The following VPS50 variants were observed in gnomAD, a reference collection of about 807,000 sequenced individuals.
VPS50 encodes VPS50 subunit of EARP/GARPII complex.
VPS50 carries 70 observed loss-of-function variants against 139.7 expected under a neutral mutation model. The ratio of observed to expected loss-of-function variants is 0.50; its 90% confidence interval spans 0.41 to 0.61. The LOEUF is 0.61. Ranked by LOEUF, VPS50 falls within the 20% of genes least tolerant of loss-of-function variation. The probability of loss-of-function intolerance (pLI) is 0.00; values close to 1 mark genes in which losing one functional copy is unlikely to be tolerated. For synonymous variants in VPS50, 365 were observed against 376.7 expected, an observed-to-expected ratio of 0.97 and a Z score of 0.36; for missense variants, 921 against 1,133.7, an observed-to-expected ratio of 0.81 and a Z score of 2.69.
Position 93,263,630 on chromosome 7 carries a change from G to A in VPS50, c.659+3998G>A, listed in dbSNP as rs563778231. On this transcript the variant is annotated intron_variant, in intron 9 of 27. Coordinates refer to ENST00000305866, the MANE Select transcript of VPS50 (RefSeq NM_017667.4). ...GAGAGTTACTTGGAATAGCTGAGAT[G>A]GAAAAACTTAGGACTGACTCTTATG... 3.9e-5 allele frequency among the ~76,000 whole-genome samples: 6 copies of A among 152,204 alleles called. No homozygotes were observed. In the East Asian group the frequency reaches 1.2e-3, roughly 29 times the overall value.
intron 12 of VPS50, among the ~76,000 whole-genome samples, chr7:93,280,178 T>C (rs1796281217): frequency 6.6e-6 from 1 of 152,166 alleles, no homozygotes; most frequent in Admixed American, 6.5e-5. Context: ...TTTGAAATCA[T>C]TTTGCAGTTG....
chr7:93,243,221 A>G (rs73218075), intron 2 of VPS50, among the ~76,000 whole-genome samples: 6,337 of 152,044 alleles, frequency 0.042, 172 homozygotes, highest in African/African-American at 0.064. Flanking sequence ...TTGCTAGAGG[A>G]AAGGAAACTT....
intron 20 of VPS50, 49 bp downstream of exon 20, chr7:93,311,321 T>A: frequency 1.2e-6 from 1 of 833,434 alleles, no homozygotes; most frequent in Admixed American, 1.8e-5. Flanking sequence ...AATTAGTTTG[T>A]TACCGAATGA....
chr7:93,264,357 C>CATTTAATGTTTAGCAT (rs2116859760), intron 9 of VPS50, among the ~76,000 whole-genome samples: 1 of 152,302 alleles, frequency 6.6e-6, no homozygotes, highest in South Asian at 2.1e-4. Flanking sequence ...TGTGTTTATG[C>CATTTAATGTTTAGCAT]TAAAGTGCAT....
At chr7:93,334,079 A>G (rs760078161) in intron 21 of VPS50, 38 bp from the exon 22 acceptor site, 1 of 1,098,336 alleles carries the variant, frequency 9.1e-7, no homozygotes, top group Admixed American at 1.9e-5. Context: ...TTGCAAGATG[A>G]TCTTTAGAAC....
intron 22 of VPS50, among the ~76,000 whole-genome samples, chr7:93,338,476 C>G (rs1798125728): frequency 6.6e-6 from 1 of 152,080 alleles, no homozygotes; most frequent in African/African-American, 2.4e-5. Context: ...GGAGAGTGAG[C>G]CACCCTTATT....
intron 16 of VPS50, among the ~76,000 whole-genome samples, chr7:93,299,617 G>A (rs901547350): frequency 2.6e-5 from 4 of 152,072 alleles, no homozygotes; most frequent in African/African-American, 9.7e-5. Flanking sequence ...GGTAAAAATA[G>A]GAGCAGTTTT....
rs1325740132 is a variant in VPS50, at chr7:93,253,947, A to C, written c.297+16A>C. 1.8e-5 allele frequency: 27 copies of C among 1,483,424 alleles called. 1 individual carries two copies. Among genetic ancestry groups the C allele is most frequent in the South Asian group, 4.9e-5 (4 of 81,568 alleles). 91.9% of individuals were successfully genotyped at this position (1,483,424 alleles called of 1,614,324 possible). A position where few individuals can be genotyped will look rare whatever the true frequency, so the allele number is the denominator to read the frequency against. ...GCAAGCTGCAGTAAGTAAAAAAAAA[A>C]CACATTTCTTTCTGGCAAAACTCTA... On this transcript the variant is annotated intron_variant, in intron 4 of 27. Coordinates refer to ENST00000305866, the MANE Select transcript of VPS50 (RefSeq NM_017667.4).
At chr7:93,287,423 T>TC (rs1796523154) in intron 12 of VPS50, among the ~76,000 whole-genome samples, 2 of 135,976 alleles carry the variant, frequency 1.5e-5, no homozygotes, top group South Asian at 4.3e-4. Flanking sequence ...AAGGACCTCT[T>TC]TTTTTTTTTT....
intron 16 of VPS50, among the ~76,000 whole-genome samples, chr7:93,300,161 A>G (rs2116959969): frequency 6.6e-6 from 1 of 152,266 alleles, no homozygotes; most frequent in South Asian, 2.1e-4. Flanking sequence ...AATTTTGAAG[A>G]AATTATATGT....
intron 23 of VPS50, among the ~76,000 whole-genome samples, chr7:93,343,650 C>T (rs1031533873): frequency 1.3e-5 from 2 of 152,212 alleles, no homozygotes; most frequent in African/African-American, 4.8e-5. Context: ...AGAAACTCTA[C>T]AAGCCAGAAG....
intron 18 of VPS50, among the ~76,000 whole-genome samples, chr7:93,308,118 AGAT>A (rs59549693): frequency 0.16 from 23,379 of 150,176 alleles, 3,090 homozygotes; most frequent in African/African-American, 0.36. Flanking sequence ...TGACATTAAT[AGAT>A]GATGATGATG....
chr7:93,321,515 C>T (rs769373770), intron 20 of VPS50, among the ~76,000 whole-genome samples: 1 of 152,134 alleles, frequency 6.6e-6, no homozygotes, highest in Non-Finnish European at 1.5e-5. Context: ...TTTTAAGGTG[C>T]AACAGCCGGG....
chr7:93,349,880 C>G lies in VPS50; in HGVS notation c.2310C>G (p.Val770=). 6.2e-7 allele frequency: 1 copy of G among 1,609,432 alleles called. No homozygotes were observed. The highest frequency in any genetic ancestry group is 8.5e-7 in the Non-Finnish European group (1 of 1,178,308). The change falls in exon 25 of 28, where the codon GTC becomes GTG. Residue 770 remains valine, a synonymous_variant. Coordinates refer to ENST00000305866, the MANE Select transcript of VPS50 (RefSeq NM_017667.4). ...PFLQQFYSQT[V]STASELRKPI... ...TTTTGTGAAATTTATTTCAGACAGT[C>G]TCAACCGCCAGTGAACTACGGAAAC...
Position 93,352,927 on chromosome 7 carries a change from G to A in VPS50, c.2464-713G>A, listed in dbSNP as rs567813968. Among the ~76,000 whole-genome samples, 539 of 152,118 alleles carry A rather than the reference G, an allele frequency of 3.5e-3. 6 individuals are homozygous for A. The highest frequency in any genetic ancestry group is 0.012 in the African/African-American group (515 of 41,504). On this transcript the variant is annotated intron_variant, in intron 25 of 27. Coordinates refer to ENST00000305866, the MANE Select transcript of VPS50 (RefSeq NM_017667.4). ...TATACAGGTTGAGCATCCCAAATTCGAAAATCCAGTATTTCAAATAATCCA... is the reference window on the plus strand; with the variant it reads ...TATACAGGTTGAGCATCCCAAATTCAAAAATCCAGTATTTCAAATAATCCA...
intron 16 of VPS50, 113 bp from the exon 17 acceptor site, chr7:93,303,347 T>C (rs1667017410): frequency 4.4e-6 from 2 of 452,396 alleles, no homozygotes; most frequent in Non-Finnish European, 7.8e-6. Flanking sequence ...CAAAGTTGAT[T>C]ATGATCATGA....
intron 22 of VPS50, 67 bp from the exon 23 acceptor site, chr7:93,341,360 G>T (rs1562895595): frequency 9.5e-7 from 1 of 1,051,018 alleles, no homozygotes; most frequent in South Asian, 1.7e-5. Flanking sequence ...TTCTAATTTT[G>T]TCAAAATCAC....
At chr7:93,330,668 C>G (rs1262406176) in intron 21 of VPS50, among the ~76,000 whole-genome samples, 1 of 145,484 alleles carries the variant, frequency 6.9e-6, no homozygotes, top group Non-Finnish European at 1.5e-5. Flanking sequence ...GCAGGAGGAT[C>G]GCTTGAGCCC....
At chr7:93,341,322 G>A (rs1046513129) in intron 22 of VPS50, 105 bp from the exon 23 acceptor site, 28 of 674,766 alleles carry the variant, frequency 4.1e-5, no homozygotes, top group African/African-American at 1.1e-4. Flanking sequence ...TGTAATTAAC[G>A]TGTGCCCCAA....
Sources: allele counts gnomAD v4.1 joint callset (sites outside exome capture counted in the v4.1 genomes callset), GRCh38; gene constraint gnomAD v4.1.1; transcripts MANE v1.5; gene names NCBI Gene and HGNC (gene_info 2026-07-23, HGNC 2026-07-21).